Variants in ROBO2 observed in about 807,000 individuals in gnomAD.
ROBO2 encodes roundabout homolog 2.
Under a neutral mutation model 160.8 loss-of-function variants are expected in ROBO2, and 53 were observed. The observed-to-expected ratio is 0.33, with a 90% CI of 0.26 to 0.41. The LOEUF (loss-of-function observed/expected upper bound fraction) is 0.41. Ranked by LOEUF, ROBO2 falls within the 10% of genes least tolerant of loss-of-function variation. ROBO2 has a pLI of 1.00. For synonymous variants in ROBO2, 664 were observed against 611.7 expected (o/e 1.09, Z -1.26); for missense variants, 1,577 against 1,722.4 (o/e 0.92, Z 1.49).
chr3:76,258,682 C>G (rs1053340408), intron 2 of ROBO2, among the ~76,000 whole-genome samples: 1 of 151,878 alleles, frequency 6.6e-6, no homozygotes, highest in Non-Finnish European at 1.5e-5. Flanking sequence ...AGATATTTTT[C>G]TAAAATGTGT....
chr3:76,050,422 C>G (rs1375210926), intron 2 of ROBO2, among the ~76,000 whole-genome samples: 1 of 152,122 alleles, frequency 6.6e-6, no homozygotes, highest in Admixed American at 6.5e-5. Context: ...GGGACTCAGA[C>G]TGGCTTCCTG....
At chr3:76,643,517 A>AC (rs2090809937) in intron 2 of ROBO2, among the ~76,000 whole-genome samples, 1 of 152,190 alleles carries the variant, frequency 6.6e-6, no homozygotes, top group African/African-American at 2.4e-5. Context: ...ATAAATGCAA[A>AC]CCTAAGACTG....
intron 2 of ROBO2, among the ~76,000 whole-genome samples, chr3:76,290,746 A>G (rs1708761420): frequency 6.6e-6 from 1 of 152,040 alleles, no homozygotes; most frequent in Non-Finnish European, 1.5e-5. Context: ...GCTGAATTTT[A>G]TTGAAAGACT....
At chr3:76,543,602 C>G (rs2082932150) in intron 2 of ROBO2, among the ~76,000 whole-genome samples, 1 of 152,074 alleles carries the variant, frequency 6.6e-6, no homozygotes, top group Non-Finnish European at 1.5e-5. Flanking sequence ...ATAACTGCGG[C>G]AAATTATTTC....
chr3:76,563,310 T>C (rs529465983), intron 2 of ROBO2, among the ~76,000 whole-genome samples: 2 of 152,308 alleles, frequency 1.3e-5, no homozygotes, highest in East Asian at 3.9e-4. Context: ...AATATATTAA[T>C]GGATTGTGTG....
intron 2 of ROBO2, among the ~76,000 whole-genome samples, chr3:77,225,942 A>G (rs2086447173): frequency 6.6e-6 from 1 of 152,030 alleles, no homozygotes. Context: ...AGTTCAGATT[A>G]TAAGGAGGAG....
At position 77,263,798 on chromosome 3, in the gene ROBO2, T is replaced by C. The variant is rs181419032; in HGVS notation, c.388+165458T>C. On this transcript the variant is annotated intron_variant, in intron 2 of 25. Transcript: ENST00000461745. ...GGGATTGCTGGTCAAATGTTATTTC[T>C]GTCTTTAAAGTTAGAATTTCTTAAC... Among the ~76,000 whole-genome samples the C allele has an allele frequency of 1.8e-3, 274 of 152,334 alleles. 1 individual carries two copies. The highest frequency in any genetic ancestry group is 6.2e-3 in the African/African-American group (256 of 41,584).
At chr3:77,130,958 A>AT (rs1161563141) in intron 2 of ROBO2, among the ~76,000 whole-genome samples, 2 of 151,692 alleles carry the variant, frequency 1.3e-5, no homozygotes, top group African/African-American at 2.4e-5. Flanking sequence ...TGGAAGTGAA[A>AT]TTTTTTTATT....
At chr3:76,288,133 T>C (rs1349644250) in intron 2 of ROBO2, among the ~76,000 whole-genome samples, 1 of 152,196 alleles carries the variant, frequency 6.6e-6, no homozygotes, top group African/African-American at 2.4e-5. Flanking sequence ...CTAGTCTTTA[T>C]AAGATATGAA....
chr3:76,283,342 T>C (rs1378365189), intron 2 of ROBO2, among the ~76,000 whole-genome samples: 1 of 151,224 alleles, frequency 6.6e-6, no homozygotes, highest in Non-Finnish European at 1.5e-5. Context: ...CAATTATTTA[T>C]CCTAACAGTC....
intron 2 of ROBO2, among the ~76,000 whole-genome samples, chr3:77,294,463 A>G (rs1205147861): frequency 2.4e-4 from 34 of 142,896 alleles, no homozygotes; most frequent in Non-Finnish European, 2.1e-4. Context: ...AGTAAAATTG[A>G]CGGGTAAACG....
intron 2 of ROBO2, among the ~76,000 whole-genome samples, chr3:76,054,876 A>G (rs78297933): frequency 0.025 from 3,810 of 152,108 alleles, 142 homozygotes; most frequent in African/African-American, 0.08. Context: ...CAGCCCATAA[A>G]CCCTTAAGCT....
At chr3:76,888,727 T>C (rs1051731474) in intron 2 of ROBO2, among the ~76,000 whole-genome samples, 2 of 152,164 alleles carry the variant, frequency 1.3e-5, no homozygotes, top group African/African-American at 4.8e-5. Flanking sequence ...GATTATCTCA[T>C]GCCACTGGAA....
At chr3:76,058,287 T>A (rs1222055571) in intron 2 of ROBO2, among the ~76,000 whole-genome samples, 1 of 152,162 alleles carries the variant, frequency 6.6e-6, no homozygotes, top group African/African-American at 2.4e-5. Flanking sequence ...CAGTGTGTGA[T>A]GTTCCCCTCC....
At chr3:76,701,229 A>C (rs2093038977) in intron 2 of ROBO2, among the ~76,000 whole-genome samples, 1 of 152,208 alleles carries the variant, frequency 6.6e-6, no homozygotes, top group South Asian at 2.1e-4. Context: ...GATGAAGGAA[A>C]CCTGTTATTT....
chr3:76,442,930 CTGTT>C (rs1456471737), intron 2 of ROBO2, among the ~76,000 whole-genome samples: 2 of 152,028 alleles, frequency 1.3e-5, no homozygotes, highest in Admixed American at 6.6e-5. Context: ...ATGTGTTAGT[CTGTT>C]TGTGTTGCTA....
intron 2 of ROBO2, among the ~76,000 whole-genome samples, chr3:76,603,701 A>G (rs1381584052): frequency 6.6e-6 from 1 of 151,960 alleles, no homozygotes; most frequent in African/African-American, 2.4e-5. Context: ...CTGGAATGCT[A>G]TAAGCTTCAT....
intron 2 of ROBO2, among the ~76,000 whole-genome samples, chr3:77,250,675 G>A (rs879550712): frequency 6.6e-6 from 1 of 152,280 alleles, no homozygotes; most frequent in East Asian, 1.9e-4. Context: ...GATTTGGCTC[G>A]CAGTTCTGGA....
At chr3:75,949,728 C>T (rs1948463348) in intron 2 of ROBO2, among the ~76,000 whole-genome samples, 1 of 151,504 alleles carries the variant, frequency 6.6e-6, no homozygotes, top group South Asian at 2.1e-4. Flanking sequence ...ACTCACTAGT[C>T]TAGAAAACAT....
Sources: allele counts gnomAD v4.1 joint callset (sites outside exome capture counted in the v4.1 genomes callset), GRCh38; gene constraint gnomAD v4.1.1; transcripts MANE v1.5; gene names NCBI Gene and HGNC (gene_info 2026-07-23, HGNC 2026-07-21).